The following SLC12A7 variants were observed in gnomAD, a reference collection of about 807,000 sequenced individuals.
SLC12A7 encodes the protein K-Cl cotransporter 4.
Under a neutral mutation model 120.6 loss-of-function variants are expected in SLC12A7, and 100 were observed. The ratio of observed to expected loss-of-function variants is 0.83; its 90% confidence interval spans 0.71 to 0.98. The LOEUF (loss-of-function observed/expected upper bound fraction) is 0.98. SLC12A7 is among the 50% of genes least tolerant of loss of function. The pLI is 0.00. For missense variants in SLC12A7, 1,373 were observed against 1,548.1 expected (o/e 0.89, Z 1.90); for synonymous variants, 760 against 678.0 (o/e 1.12, Z -1.88).
chr5:1,102,921 C>T (rs887183547), intron 1 of SLC12A7, among the ~76,000 whole-genome samples: 2 of 152,106 alleles, frequency 1.3e-5, no homozygotes, highest in African/African-American at 4.8e-5. Flanking sequence ...TGTGAAGGCG[C>T]GAGGACCCAG....
At chr5:1,109,926 G>C (rs1302736474) in intron 1 of SLC12A7, among the ~76,000 whole-genome samples, 1 of 152,262 alleles carries the variant, frequency 6.6e-6, no homozygotes, top group East Asian at 1.9e-4. Flanking sequence ...GACCTGGCCT[G>C]TGACCTTGTG....
chr5:1,052,129 G>C lies in SLC12A7; in HGVS notation c.*231C>G, dbSNP rs1014584972. On this transcript the variant is annotated 3_prime_UTR_variant, in exon 24 of 24. Transcript: ENST00000264930. ...ACTCCGGTAGCAGCGTCTGCCCTCAGATGCAAGGAAATCGTCCAGCCACGC... is the reference window on the plus strand; with the variant it reads ...ACTCCGGTAGCAGCGTCTGCCCTCACATGCAAGGAAATCGTCCAGCCACGC... 8.7e-6 allele frequency: 5 copies of C among 577,254 alleles called. No homozygotes were observed. The African/African-American group carries it at 9.4e-5, about 11-fold the overall frequency. The allele number at this position is 577,254 out of a possible 1,614,324, so 35.8% of individuals were successfully genotyped here. A position where few individuals can be genotyped will look rare whatever the true frequency, so the allele number is the denominator to read the frequency against.
chr5:1,073,894 G>C, intron 16 of SLC12A7, 93 bp from the exon 17 acceptor site: 1 of 1,203,774 alleles, frequency 8.3e-7, no homozygotes, highest in Non-Finnish European at 1.1e-6. Flanking sequence ...CGGGGCACAC[G>C]ACACAGGTGG....
chr5:1,057,873 C>T (rs569166222), intron 21 of SLC12A7, among the ~76,000 whole-genome samples: 3 of 152,312 alleles, frequency 2.0e-5, no homozygotes, highest in Non-Finnish European at 2.9e-5. Context: ...CTCACCTTCC[C>T]GCCCTGGCCC....
the SLC12A7 span, among the ~76,000 whole-genome samples, chr5:1,139,607 G>C: frequency 6.6e-6 from 1 of 152,242 alleles, no homozygotes; most frequent in Non-Finnish European, 1.5e-5. Context: ...TGGGTGCCGG[G>C]AAACAGGAGG....
upstream of SLC12A7, among the ~76,000 whole-genome samples, chr5:1,116,933 G>A (rs1011529375): frequency 6.6e-6 from 1 of 152,188 alleles, no homozygotes; most frequent in Non-Finnish European, 1.5e-5. Context: ...CAGACACGCA[G>A]CCCTTCAGAA....
intron 8 of SLC12A7, among the ~76,000 whole-genome samples, chr5:1,082,433 T>C (rs572368306): frequency 0.02 from 2,742 of 137,524 alleles, 59 homozygotes; most frequent in Non-Finnish European, 0.03. Context: ...GGGCTTCCCA[T>C]CTTGGGTTCT....
chr5:1,057,697 T>C (rs1735773280), intron 21 of SLC12A7, 48 bp from the exon 22 acceptor site: 4 of 1,533,398 alleles, frequency 2.6e-6, no homozygotes, highest in Non-Finnish European at 3.5e-6. Flanking sequence ...AAAACTCCTC[T>C]GGGCGAGAGC....
chr5:1,153,602 C>A, the SLC12A7 span, among the ~76,000 whole-genome samples: 1 of 152,176 alleles, frequency 6.6e-6, no homozygotes, highest in Non-Finnish European at 1.5e-5. Flanking sequence ...CAAGGAACAG[C>A]CCATGGGGAA....
intron 22 of SLC12A7, among the ~76,000 whole-genome samples, chr5:1,054,906 G>A (rs1343805265): frequency 1.3e-5 from 2 of 152,212 alleles, no homozygotes; most frequent in African/African-American, 2.4e-5. Flanking sequence ...CTTTGAATTC[G>A]ACTTCTGGAT....
At chr5:1,095,307 C>T (rs1239269262) in intron 1 of SLC12A7, among the ~76,000 whole-genome samples, 4 of 152,214 alleles carry the variant, frequency 2.6e-5, no homozygotes, top group South Asian at 2.1e-4. Flanking sequence ...ACAAGGAACT[C>T]GGCACAGGCC....
intron 1 of SLC12A7, among the ~76,000 whole-genome samples, chr5:1,102,525 G>A (rs1291921115): frequency 6.6e-6 from 1 of 152,224 alleles, no homozygotes; most frequent in African/African-American, 2.4e-5. Context: ...ACAGGCAGGA[G>A]GGGCTGTGAA....
chr5:1,085,336 C>G lies in SLC12A7; in HGVS notation c.813G>C (p.Lys271Asn). Residue 271 changes from lysine (K) to asparagine (N), a missense_variant, in exon 7 of 24, where the codon AAG (lysine) becomes AAC (asparagine). Transcript: ENST00000264930. ...AGACCAGCGCCAGCTTGTTGACATA[C>G]TTGACGCCCACGAAGACCACCAGGG... ...LMALVVFVGVKYVNKLALVFL... is the reference protein window; with the variant it reads ...LMALVVFVGVNYVNKLALVFL... 15 of 1,612,620 alleles carry G rather than the reference C, an allele frequency of 9.3e-6. No individual in the cohort carries two copies. The highest frequency in any genetic ancestry group is 1.2e-5 in the Non-Finnish European group (14 of 1,179,850).
chr5:1,094,296 C>T, intron 1 of SLC12A7, 48 bp from the exon 2 acceptor site: 1 of 1,449,224 alleles, frequency 6.9e-7, no homozygotes, highest in Non-Finnish European at 9.7e-7. Context: ...GAACTAAAAG[C>T]AAGCACAGAA....
chr5:1,089,155 G>A (rs777528396), intron 3 of SLC12A7, 27 bp from the exon 4 acceptor site: 4 of 1,607,612 alleles, frequency 2.5e-6, no homozygotes, highest in South Asian at 1.1e-5. Context: ...CGTGTCCCAG[G>A]GGCTCGTACC....
At chr5:1,054,039 C>T (rs1459847130) in intron 22 of SLC12A7, among the ~76,000 whole-genome samples, 1 of 152,238 alleles carries the variant, frequency 6.6e-6, no homozygotes, top group East Asian at 1.9e-4. Context: ...CCCACACCGG[C>T]CTGTGCAGCC....
At position 1,063,880 on chromosome 5, in the gene SLC12A7, G is replaced by A. The variant is rs752308479; in HGVS notation, c.2703C>T (p.His901=). 4.8e-5 allele frequency: 76 copies of A among 1,588,788 alleles called. No individual in the cohort carries two copies. Among genetic ancestry groups the A allele is most frequent in the Non-Finnish European group, 6.3e-5 (74 of 1,165,632 alleles). Reference sequence around the variant, plus strand: ...CCTCCACCTCGGCGCTGATGCGCAAGTGGTACAAGAACATCTGCAGGTCCT... The same window carrying A: ...CCTCCACCTCGGCGCTGATGCGCAAATGGTACAAGAACATCTGCAGGTCCT... ...MKKDLQMFLY[H]LRISAEVEVV... Residue 901 remains histidine, a synonymous_variant, in exon 20 of 24, where the codon CAC becomes CAT. Coordinates refer to ENST00000264930, the MANE Select transcript of SLC12A7 (RefSeq NM_006598.3).
At chr5:1,086,538 G>A (rs755066714) in intron 6 of SLC12A7, among the ~76,000 whole-genome samples, 2 of 152,222 alleles carry the variant, frequency 1.3e-5, no homozygotes, top group Non-Finnish European at 2.9e-5. Flanking sequence ...AGGCAGAGAA[G>A]AGGCTGGGAT....
chr5:1,096,298 G>A (rs912892576), intron 1 of SLC12A7, among the ~76,000 whole-genome samples: 2 of 152,240 alleles, frequency 1.3e-5, no homozygotes, highest in African/African-American at 4.8e-5. Context: ...CAGCCAACAT[G>A]GCAGGAGGTT....
Sources: allele counts gnomAD v4.1 joint callset (sites outside exome capture counted in the v4.1 genomes callset), GRCh38; gene constraint gnomAD v4.1.1; transcripts MANE v1.5; gene names NCBI Gene and HGNC (gene_info 2026-07-23, HGNC 2026-07-21).